The following GABRB1 variants were observed in gnomAD, a reference collection of about 807,000 sequenced individuals.
GABRB1 encodes gamma-aminobutyric acid receptor subunit beta-1.
Under a neutral mutation model 51.6 loss-of-function variants are expected in GABRB1, and 17 were observed. The ratio of observed to expected loss-of-function variants is 0.33; its 90% CI spans 0.23 to 0.49. The LOEUF is 0.49. Ranked by LOEUF, GABRB1 falls within the 20% of genes least tolerant of loss-of-function variation. GABRB1 has a pLI of 0.99. For missense variants in GABRB1, 410 were observed against 600.6 expected (o/e 0.68, Z 3.32); for synonymous variants, 247 against 218.9 (o/e 1.13, Z -1.14).
intron 3 of GABRB1, among the ~76,000 whole-genome samples, chr4:47,118,903 C>A (rs1436572036): frequency 3.3e-5 from 5 of 152,036 alleles, no homozygotes; most frequent in African/African-American, 1.2e-4. Flanking sequence ...GTCATATACA[C>A]TGAAATATTT....
intron 5 of GABRB1, among the ~76,000 whole-genome samples, chr4:47,396,329 A>G (rs917199323): frequency 6.6e-6 from 1 of 152,172 alleles, no homozygotes; most frequent in Non-Finnish European, 1.5e-5. Flanking sequence ...CCATTATTCA[A>G]TTATCTCCCA....
intron 4 of GABRB1, among the ~76,000 whole-genome samples, chr4:47,219,729 T>A (rs1720696767): frequency 6.6e-6 from 1 of 151,922 alleles, no homozygotes; most frequent in Non-Finnish European, 1.5e-5. Context: ...CACCAACATA[T>A]GTGGAATTAC....
At chr4:47,098,546 T>C (rs1253237243) in intron 3 of GABRB1, among the ~76,000 whole-genome samples, 2 of 152,146 alleles carry the variant, frequency 1.3e-5, no homozygotes, top group Non-Finnish European at 2.9e-5. Context: ...TTGAAACTGA[T>C]TTATAATAAA....
intron 5 of GABRB1, among the ~76,000 whole-genome samples, chr4:47,361,533 T>C (rs1726805572): frequency 6.6e-6 from 1 of 152,036 alleles, no homozygotes; most frequent in Non-Finnish European, 1.5e-5. Flanking sequence ...AGTGAACAGA[T>C]GTGTACTTTG....
intron 5 of GABRB1, among the ~76,000 whole-genome samples, chr4:47,322,106 TA>T (rs1167232140): frequency 6.6e-6 from 1 of 152,160 alleles, no homozygotes; most frequent in Non-Finnish European, 1.5e-5. Flanking sequence ...AAGCAGAAAT[TA>T]AATGTAACTT....
At chr4:47,217,184 C>A (rs1720586415) in intron 4 of GABRB1, among the ~76,000 whole-genome samples, 1 of 151,656 alleles carries the variant, frequency 6.6e-6, no homozygotes, top group Admixed American at 6.6e-5. Context: ...AAAATGAAAG[C>A]CACCAGTTCC....
chr4:47,276,127 A>G (rs1366522890), intron 4 of GABRB1, among the ~76,000 whole-genome samples: 1 of 152,162 alleles, frequency 6.6e-6, no homozygotes, highest in Non-Finnish European at 1.5e-5. Context: ...ATCAAAATGT[A>G]TCACATGGAA....
At chr4:47,301,437 G>A (rs1202015775) in intron 4 of GABRB1, among the ~76,000 whole-genome samples, 2 of 151,550 alleles carry the variant, frequency 1.3e-5, no homozygotes, top group Non-Finnish European at 2.9e-5. Flanking sequence ...AGGAGTTCAA[G>A]ACCAGCCTGG....
intron 5 of GABRB1, among the ~76,000 whole-genome samples, chr4:47,326,353 A>G (rs1034852506): frequency 6.6e-6 from 1 of 152,178 alleles, no homozygotes; most frequent in Non-Finnish European, 1.5e-5. Context: ...ATCATCTCAC[A>G]TTACAAGAAG....
intron 3 of GABRB1, among the ~76,000 whole-genome samples, chr4:47,062,116 G>T (rs1032884435): frequency 6.6e-6 from 1 of 152,086 alleles, no homozygotes; most frequent in African/African-American, 2.4e-5. Context: ...ACAATCTGAT[G>T]TGACACAGCT....
At chr4:47,135,897 A>G (rs1217543543) in intron 3 of GABRB1, among the ~76,000 whole-genome samples, 1 of 152,128 alleles carries the variant, frequency 6.6e-6, no homozygotes, top group Non-Finnish European at 1.5e-5. Context: ...TAAAAATACT[A>G]GATGCTTTGT....
chr4:47,019,110 C>T (rs1724834295), intron 1 of GABRB1, among the ~76,000 whole-genome samples: 1 of 152,166 alleles, frequency 6.6e-6, no homozygotes, highest in African/African-American at 2.4e-5. Flanking sequence ...TCAAAATCCA[C>T]TAAGCAACCG....
intron 3 of GABRB1, among the ~76,000 whole-genome samples, chr4:47,089,027 T>C (rs1728188346): frequency 6.6e-6 from 1 of 152,224 alleles, no homozygotes; most frequent in African/African-American, 2.4e-5. Flanking sequence ...TTAAAATGTT[T>C]ATTGTCAAAC....
At chr4:47,345,946 C>A (rs1415910537) in intron 5 of GABRB1, among the ~76,000 whole-genome samples, 2 of 152,090 alleles carry the variant, frequency 1.3e-5, no homozygotes, top group African/African-American at 4.8e-5. Flanking sequence ...CAGCAGTTTT[C>A]CCACAATGCC....
chr4:47,145,985 G>A (rs1717155791), intron 3 of GABRB1, among the ~76,000 whole-genome samples: 1 of 151,866 alleles, frequency 6.6e-6, no homozygotes, highest in African/African-American at 2.4e-5. Context: ...GGTGTCTCTT[G>A]TCCTTCAGTC....
chr4:47,277,805 G>A lies in GABRB1; in HGVS notation c.462-42322G>A, dbSNP rs11932780. On this transcript the variant is annotated intron_variant, in intron 4 of 8. Transcript: ENST00000295454. ...TACTTCAAAATTATGATAGATATTAGGCCTACTGTCTAATCTTATTTGATA... is the reference window on the plus strand; with the variant it reads ...TACTTCAAAATTATGATAGATATTAAGCCTACTGTCTAATCTTATTTGATA... Among the ~76,000 whole-genome samples the A allele has an allele frequency of 2.0e-5, 3 of 151,824 alleles. No individual in the cohort carries two copies. The South Asian group carries it at 6.3e-4, about 32-fold the overall frequency.
intron 1 of GABRB1, among the ~76,000 whole-genome samples, chr4:47,023,678 TTCATA>T (rs1285172840): frequency 6.6e-6 from 1 of 151,998 alleles, no homozygotes; most frequent in Non-Finnish European, 1.5e-5. Flanking sequence ...TTCTAGTCAT[TTCATA>T]TAATTATAAA....
At chr4:47,003,739 G>A (rs768653648) in intron 1 of GABRB1, among the ~76,000 whole-genome samples, 55 of 152,084 alleles carry the variant, frequency 3.6e-4, no homozygotes, top group Non-Finnish European at 7.2e-4. Context: ...ACCAGAATCA[G>A]GATTGGAATC....
At chr4:47,242,336 G>A (rs547890231) in intron 4 of GABRB1, among the ~76,000 whole-genome samples, 15 of 152,238 alleles carry the variant, frequency 9.9e-5, no homozygotes, top group Middle Eastern at 6.8e-3. Context: ...GTATAGTGCC[G>A]CAATAAACAT....
Sources: allele counts gnomAD v4.1 joint callset (sites outside exome capture counted in the v4.1 genomes callset), GRCh38; gene constraint gnomAD v4.1.1; transcripts MANE v1.5; gene names NCBI Gene and HGNC (gene_info 2026-07-23, HGNC 2026-07-21).